Variants in EYA1 observed in about 807,000 individuals in gnomAD.
The protein encoded by EYA1 is protein phosphatase EYA1.
In EYA1, 16 loss-of-function variants were observed where a neutral mutation model predicts 82.0. The ratio of observed to expected loss-of-function variants is 0.20; its 90% CI spans 0.13 to 0.30. The LOEUF (loss-of-function observed/expected upper bound fraction) is 0.30. Among genes scored for constraint, EYA1 ranks in the 10% least tolerant of loss-of-function variants. The probability of loss-of-function intolerance (pLI) is 1.00; values close to 1 mark genes in which losing one functional copy is unlikely to be tolerated. For missense variants in EYA1, 633 were observed against 730.7 expected (o/e 0.87, Z 1.54); for synonymous variants, 261 against 264.4 (o/e 0.99, Z 0.12).
intron 16 of EYA1, among the ~76,000 whole-genome samples, chr8:71,214,538 G>A (rs1285100856): frequency 6.6e-6 from 1 of 152,188 alleles, no homozygotes; most frequent in African/African-American, 2.4e-5. Context: ...CAAGCACTTA[G>A]CAATAGGACC....
At chr8:71,381,446 G>A (rs1383718491) in intron 2 of EYA1, among the ~76,000 whole-genome samples, 4 of 152,118 alleles carry the variant, frequency 2.6e-5, no homozygotes, top group African/African-American at 4.8e-5. Context: ...ATGAAACGCC[G>A]GTGGAAGAAA....
At chr8:71,482,101 G>A (rs969270494) in intron 2 of EYA1, among the ~76,000 whole-genome samples, 10 of 152,048 alleles carry the variant, frequency 6.6e-5, no homozygotes, top group African/African-American at 2.4e-4. Context: ...TTAAGAAAGT[G>A]AAAAAGCAAG....
At chr8:71,363,271 C>A (rs1243227444), upstream of EYA1, among the ~76,000 whole-genome samples, 2 of 152,092 alleles carry the variant, frequency 1.3e-5, no homozygotes, top group Non-Finnish European at 2.9e-5. Context: ...CACATAGACA[C>A]AATCATAACT....
intron 6 of EYA1, among the ~76,000 whole-genome samples, chr8:71,321,332 C>T (rs1822517774): frequency 6.6e-6 from 1 of 152,172 alleles, no homozygotes; most frequent in South Asian, 2.1e-4. Flanking sequence ...TTGAATTCTA[C>T]TTGTACGTTC....
At chr8:71,472,811 A>ATATATATATC (rs988307541) in intron 2 of EYA1, among the ~76,000 whole-genome samples, 3 of 147,816 alleles carry the variant, frequency 2.0e-5, no homozygotes, top group African/African-American at 7.4e-5. Context: ...ATATATATAT[A>ATATATATATC]TATCTGTCAG....
intron 11 of EYA1, 58 bp downstream of exon 11, chr8:71,269,682 C>T (rs1816280534): frequency 8.3e-7 from 1 of 1,211,510 alleles, no homozygotes; most frequent in Admixed American, 1.8e-5. Context: ...GGATAATAAA[C>T]AAATTAGAGG....
chr8:71,350,596 T>C (rs1029721791), intron 3 of EYA1, among the ~76,000 whole-genome samples: 9 of 152,196 alleles, frequency 5.9e-5, no homozygotes, highest in African/African-American at 1.9e-4. Context: ...AAGATTCCAA[T>C]TGCATCTGGT....
intron 7 of EYA1, among the ~76,000 whole-genome samples, chr8:71,308,719 GA>G (rs539957352): frequency 9.8e-4 from 105 of 106,954 alleles, no homozygotes; most frequent in East Asian, 2.0e-3. Flanking sequence ...TTTTTTTTAA[GA>G]AAAAAAAAAA....
chr8:71,467,309 T>C (rs540304308), intron 2 of EYA1, among the ~76,000 whole-genome samples: 1 of 152,258 alleles, frequency 6.6e-6, no homozygotes, highest in African/African-American at 2.4e-5. Flanking sequence ...CAGTGTCTAA[T>C]GGATCGGGCA....
At chr8:71,205,488 G>A (rs1807647248) in intron 17 of EYA1, among the ~76,000 whole-genome samples, 1 of 152,294 alleles carries the variant, frequency 6.6e-6, no homozygotes, top group East Asian at 1.9e-4. Context: ...CATAGGTAGA[G>A]ACTTCCCACA....
chr8:71,530,289 G>C (rs987728337), intron 2 of EYA1, among the ~76,000 whole-genome samples: 1 of 152,132 alleles, frequency 6.6e-6, no homozygotes, highest in Non-Finnish European at 1.5e-5. Flanking sequence ...ACTCCCAGAA[G>C]CTAAGGAAGG....
At chr8:71,470,932 C>A (rs924471745) in intron 2 of EYA1, 2 of 446,674 alleles carry the variant, frequency 4.5e-6, no homozygotes, top group South Asian at 1.6e-5. Context: ...TGCCAATGGG[C>A]TTTAAAAAAA....
rs1203145796 is a variant in EYA1, at chr8:71,326,885, CTCAAAAACATAAATTAAG to C, written c.203-4635_203-4618del. ...CCTTCCATGCATCAAACAGTGACCT[CTCAAAAACATAAATTAAG>C]TCATGCCACAAACCCCCTGACCCTC... On this transcript the variant is annotated intron_variant, in intron 4 of 17. Coordinates refer to ENST00000340726, the MANE Select transcript of EYA1 (RefSeq NM_000503.6). Among the ~76,000 whole-genome samples, 9 of 152,256 alleles carry C rather than the reference CTCAAAAACATAAATTAAG, an allele frequency of 5.9e-5. No individual in the cohort carries two copies. In the South Asian group the frequency reaches 1.9e-3, roughly 32 times the overall value.
chr8:71,286,362 C>T (rs1487565467), intron 9 of EYA1, among the ~76,000 whole-genome samples: 5 of 152,204 alleles, frequency 3.3e-5, no homozygotes, highest in Non-Finnish European at 7.3e-5. Context: ...ACTGCTGACT[C>T]TGTAACTCTG....
intron 4 of EYA1, among the ~76,000 whole-genome samples, chr8:71,325,860 C>A (rs556029087): frequency 6.6e-6 from 1 of 152,300 alleles, no homozygotes; most frequent in East Asian, 1.9e-4. Flanking sequence ...AATCTACCAT[C>A]TTATACCTGA....
intron 2 of EYA1, among the ~76,000 whole-genome samples, chr8:71,414,685 T>A (rs4440662): frequency 0.72 from 109,289 of 152,122 alleles, 40,080 homozygotes; most frequent in African/African-American, 0.82. Flanking sequence ...ATATGTCAAA[T>A]TTTTCCACAA....
At chr8:71,296,198 C>T (rs771553974) in intron 9 of EYA1, among the ~76,000 whole-genome samples, 4 of 151,934 alleles carry the variant, frequency 2.6e-5, no homozygotes, top group African/African-American at 4.8e-5. Flanking sequence ...TTATTTTTAA[C>T]GTATTAAAAT....
intron 2 of EYA1, among the ~76,000 whole-genome samples, chr8:71,397,253 C>G (rs1270432821): frequency 1.3e-5 from 2 of 152,154 alleles, no homozygotes; most frequent in Non-Finnish European, 2.9e-5. Flanking sequence ...ATTTGCCAGT[C>G]TGTGTCTTTT....
intron 2 of EYA1, among the ~76,000 whole-genome samples, chr8:71,515,745 G>T (rs950309532): frequency 7.2e-5 from 11 of 152,048 alleles, no homozygotes; most frequent in Admixed American, 1.3e-4. Context: ...TTCAACAATA[G>T]TCCGTTGAAC....
Sources: gnomAD v4.1 joint callset for allele counts (sites outside exome capture counted in the v4.1 genomes callset) on GRCh38, gnomAD v4.1.1 for gene constraint, MANE v1.5 for transcripts, NCBI Gene and HGNC (gene_info 2026-07-23, HGNC 2026-07-21) for gene names.